ADAMTS12: variants seen among roughly 807,000 people sequenced by gnomAD.
ADAMTS12 encodes ADAM metallopeptidase with thrombospondin type 1 motif 12.
Under a neutral mutation model 167.8 loss-of-function variants are expected in ADAMTS12, and 118 were observed. That is an observed-to-expected ratio of 0.70 (90% confidence interval 0.61 to 0.82). The LOEUF (loss-of-function observed/expected upper bound fraction) is 0.82. Ranked by LOEUF, ADAMTS12 falls within the 40% of genes least tolerant of loss-of-function variation. The pLI, the probability that ADAMTS12 is intolerant of heterozygous loss-of-function variation, is 0.00. For missense variants in ADAMTS12, 1,916 were observed against 1,998.8 expected, an observed-to-expected ratio of 0.96 and a Z score of 0.79; for synonymous variants, 704 against 716.9, an observed-to-expected ratio of 0.98 and a Z score of 0.29.
intron 2 of ADAMTS12, among the ~76,000 whole-genome samples, chr5:33,848,993 G>A (rs559224091): frequency 1.5e-4 from 23 of 149,324 alleles, no homozygotes; most frequent in Admixed American, 3.3e-4. Context: ...ATATATATAT[G>A]TATTGCATAG....
At chr5:33,857,684 T>C (rs957307285) in intron 2 of ADAMTS12, among the ~76,000 whole-genome samples, 6 of 151,992 alleles carry the variant, frequency 3.9e-5, no homozygotes, top group Admixed American at 1.3e-4. Context: ...ACACAAAAAA[T>C]TGGAATTATA....
At chr5:33,838,747 G>T (rs1051535234) in intron 2 of ADAMTS12, among the ~76,000 whole-genome samples, 1 of 152,056 alleles carries the variant, frequency 6.6e-6, no homozygotes, top group Non-Finnish European at 1.5e-5. Context: ...AGGAAAAGAG[G>T]AAAGATGGAG....
At chr5:33,594,029 T>C (rs1358592137) in intron 17 of ADAMTS12, among the ~76,000 whole-genome samples, 4 of 152,176 alleles carry the variant, frequency 2.6e-5, no homozygotes, top group African/African-American at 4.8e-5. Flanking sequence ...CTTTTGTAAA[T>C]TGGCCATTGA....
Position 33,649,071 on chromosome 5 carries a change from G to A in ADAMTS12, c.1335-105C>T. 3.6e-6 allele frequency: 5 copies of A among 1,394,350 alleles called. No individual in the cohort carries two copies. In the South Asian group the frequency reaches 7.1e-5, roughly 20 times the overall value. The allele number at this position is 1,394,350 out of a possible 1,614,324, so 86.4% of individuals were successfully genotyped here. On this transcript the variant is annotated intron_variant, in intron 8 of 23. Coordinates refer to ENST00000504830, the MANE Select transcript of ADAMTS12 (RefSeq NM_030955.4). Reference sequence around the variant, plus strand: ...CTCTGGTTTACTCTTTGTCCTTTAAGACAACTTTATTTTTTACAAGGCAGA... The same window carrying A: ...CTCTGGTTTACTCTTTGTCCTTTAAAACAACTTTATTTTTTACAAGGCAGA...
At chr5:33,699,720 T>C (rs915852458) in intron 3 of ADAMTS12, among the ~76,000 whole-genome samples, 6 of 152,174 alleles carry the variant, frequency 3.9e-5, no homozygotes. Context: ...ATGCAAATTA[T>C]ATCTCAAGAA....
At chr5:33,659,851 C>T (rs1374978249) in intron 6 of ADAMTS12, among the ~76,000 whole-genome samples, 1 of 152,160 alleles carries the variant, frequency 6.6e-6, no homozygotes, top group Non-Finnish European at 1.5e-5. Flanking sequence ...AGTCTCATAC[C>T]TCCCTCCCTT....
intron 2 of ADAMTS12, among the ~76,000 whole-genome samples, chr5:33,818,132 C>T (rs1747733821): frequency 1.3e-5 from 2 of 152,106 alleles, no homozygotes; most frequent in Non-Finnish European, 1.5e-5. Context: ...GTAAAATCTA[C>T]TTATTTTCTA....
Position 33,610,770 on chromosome 5 carries a change from A to G in ADAMTS12, c.2527+3468T>C, listed in dbSNP as rs137956395. ...GAACGGAATAGTACACAACCCTTAA[A>G]ATAAATGTATGAGAGACTGGGCACA... On this transcript the variant is annotated intron_variant, in intron 16 of 23. Transcript: ENST00000504830. 1.4e-3 allele frequency among the ~76,000 whole-genome samples: 209 copies of G among 152,314 alleles called. 5 individuals are homozygous for G. The East Asian group carries it at 0.038, about 27-fold the overall frequency.
chr5:33,719,658 T>C (rs1179571325), intron 3 of ADAMTS12, among the ~76,000 whole-genome samples: 1 of 152,340 alleles, frequency 6.6e-6, no homozygotes, highest in Admixed American at 6.5e-5. Flanking sequence ...TTAAACCCTG[T>C]AAGCCTAATG....
intron 3 of ADAMTS12, among the ~76,000 whole-genome samples, chr5:33,739,848 A>G (rs111333915): frequency 8.7e-4 from 133 of 152,304 alleles, no homozygotes; most frequent in Admixed American, 3.7e-3. Context: ...AGGAGAAAGC[A>G]CCTGAGAGCC....
rs567320089 is a variant in ADAMTS12 at position 33,738,280 on chromosome 5, C to T, written c.634+13124G>A. ...AGGAGCGAGAGTGGAAAAACTACTG[C>T]TCTGTGGCCGTTGGGACTGCCCTTT... On this transcript the variant is annotated intron_variant, in intron 3 of 23. Coordinates refer to ENST00000504830, the MANE Select transcript of ADAMTS12 (RefSeq NM_030955.4). Among the ~76,000 whole-genome samples the T allele has an allele frequency of 2.8e-3, 420 of 150,430 alleles. 4 individuals are homozygous for T. Among genetic ancestry groups the T allele is most frequent in the African/African-American group, 9.8e-3 (403 of 41,204 alleles).
chr5:33,801,539 C>G (rs1219226792), intron 2 of ADAMTS12, among the ~76,000 whole-genome samples: 2 of 152,142 alleles, frequency 1.3e-5, no homozygotes, highest in East Asian at 3.8e-4. Context: ...TGAATCTTTC[C>G]CAAACAGGTT....
At chr5:33,728,687 T>C (rs1744070083) in intron 3 of ADAMTS12, among the ~76,000 whole-genome samples, 1 of 152,168 alleles carries the variant, frequency 6.6e-6, no homozygotes, top group African/African-American at 2.4e-5. Flanking sequence ...CACCCCAGCC[T>C]GAAGAAGGCC....
At chr5:33,697,135 A>G (rs1742810498) in intron 3 of ADAMTS12, among the ~76,000 whole-genome samples, 1 of 152,254 alleles carries the variant, frequency 6.6e-6, no homozygotes, top group Non-Finnish European at 1.5e-5. Context: ...AATGAATTCA[A>G]TATACTTAAA....
intron 2 of ADAMTS12, among the ~76,000 whole-genome samples, chr5:33,820,458 A>G (rs192073374): frequency 2.0e-5 from 3 of 152,306 alleles, no homozygotes; most frequent in East Asian, 1.9e-4. Flanking sequence ...TATGTTTATT[A>G]GACTATGAGT....
rs1469296522 is a variant in ADAMTS12, at chr5:33,649,551, T to C, written c.1334+3A>G. On this transcript the variant is annotated splice_donor_region_variant and intron_variant, in intron 8 of 23. Coordinates refer to ENST00000504830, the MANE Select transcript of ADAMTS12 (RefSeq NM_030955.4). Reference sequence around the variant, plus strand: ...GAGGGCGTCATGAGACACTGTCACTTACTCCAAGAAGCGGGTGATGTACTC... The same window carrying C: ...GAGGGCGTCATGAGACACTGTCACTCACTCCAAGAAGCGGGTGATGTACTC... 5 of 1,613,262 alleles carry C rather than the reference T, an allele frequency of 3.1e-6. No homozygotes were observed. Among genetic ancestry groups the C allele is most frequent in the Non-Finnish European group, 4.2e-6 (5 of 1,179,606 alleles).
chr5:33,875,532 C>T (rs1199908527), intron 2 of ADAMTS12, among the ~76,000 whole-genome samples: 20 of 152,016 alleles, frequency 1.3e-4, no homozygotes, highest in Non-Finnish European at 1.5e-4. Context: ...CAATATAGTC[C>T]ATCATATTAA....
chr5:33,659,905 G>A (rs1413263312), intron 6 of ADAMTS12, among the ~76,000 whole-genome samples: 1 of 152,182 alleles, frequency 6.6e-6, no homozygotes, highest in Admixed American at 6.5e-5. Flanking sequence ...TTCAATGAGG[G>A]TGGGTGATTT....
At chr5:33,718,924 A>C (rs565641458) in intron 3 of ADAMTS12, among the ~76,000 whole-genome samples, 1 of 152,286 alleles carries the variant, frequency 6.6e-6, no homozygotes, top group East Asian at 1.9e-4. Context: ...CTTATTCTAC[A>C]CTATGTTGTG....
Sources: gnomAD v4.1 joint callset for allele counts (sites outside exome capture counted in the v4.1 genomes callset) on GRCh38, gnomAD v4.1.1 for gene constraint, MANE v1.5 for transcripts, NCBI Gene and HGNC (gene_info 2026-07-23, HGNC 2026-07-21) for gene names.